The following SOD2 variants were observed in gnomAD, a reference collection of about 807,000 sequenced individuals.
SOD2 encodes the protein superoxide dismutase [Mn], mitochondrial.
Under a neutral mutation model 27.0 loss-of-function variants are expected in SOD2, and 11 were observed. The ratio of observed to expected loss-of-function variants is 0.41; its 90% confidence interval spans 0.26 to 0.67. SOD2 has a LOEUF of 0.67. SOD2 is among the 30% of genes least tolerant of loss of function. The pLI is 0.34. For synonymous variants in SOD2, 105 were observed against 103.0 expected (o/e 1.02, Z -0.12); for missense variants, 250 against 274.5 (o/e 0.91, Z 0.63).
chr6:159,692,294 T>C (rs896164695), intron 2 of SOD2: 6 of 765,980 alleles, frequency 7.8e-6, no homozygotes, highest in Non-Finnish European at 1.1e-5. Context: ...AAGCACATTA[T>C]ACAACAAGAA....
At chr6:159,693,329 C>CCCCG, upstream of SOD2, 2 of 92,828 alleles carry the variant, frequency 2.2e-5, no homozygotes, top group Non-Finnish European at 4.5e-5. Context: ...CGCCGCCCCG[C>CCCCG]CCCCCCCCCC....
intron 1 of SOD2, among the ~76,000 whole-genome samples, chr6:159,709,930 T>C (rs1354099603): frequency 6.6e-6 from 1 of 151,982 alleles, no homozygotes; most frequent in Non-Finnish European, 1.5e-5. Flanking sequence ...TGGAATACTA[T>C]GCAGTCATAA....
chr6:159,735,598 A>C (rs1308197555), intron 1 of SOD2, among the ~76,000 whole-genome samples: 3 of 152,036 alleles, frequency 2.0e-5, no homozygotes, highest in African/African-American at 7.2e-5. Flanking sequence ...AAAATACAAA[A>C]ATGAGCCAGG....
chr6:159,745,769 A>G (rs1342012364), upstream of SOD2, among the ~76,000 whole-genome samples: 1 of 152,216 alleles, frequency 6.6e-6, no homozygotes, highest in Non-Finnish European at 1.5e-5. Flanking sequence ...TGAGAGGAAC[A>G]GGACTTTAAG....
chr6:159,686,763 T>C (rs1780205326), intron 3 of SOD2, among the ~76,000 whole-genome samples: 1 of 152,216 alleles, frequency 6.6e-6, no homozygotes, highest in African/African-American at 2.4e-5. Context: ...GTGCATAAGA[T>C]AGGCTGCCTT....
At chr6:159,759,370 T>C (rs1378014619) in intron 1 of SOD2, among the ~76,000 whole-genome samples, 1 of 145,474 alleles carries the variant, frequency 6.9e-6, no homozygotes, top group East Asian at 2.3e-4. Flanking sequence ...AGACATAATT[T>C]TAAAAATTAT....
chr6:159,675,426 C>T lies in SOD2; in HGVS notation c.*7067G>A, dbSNP rs1430531846. ...TATAGACCAATGGAACAGAACAGAG[C>T]CCTCAGAAATAATACCACACATCTA... On this transcript the variant is annotated 3_prime_UTR_variant, in exon 5 of 5. Coordinates refer to ENST00000538183, the MANE Select transcript of SOD2 (RefSeq NM_000636.4). 1 of 152,008 alleles carries T rather than the reference C, an allele frequency of 6.6e-6. No homozygotes were observed. The highest frequency in any genetic ancestry group is 1.5e-5 in the Non-Finnish European group (1 of 68,010). The allele number at this position is 152,008 out of a possible 1,614,324, so 9.4% of individuals were successfully genotyped here.
In SOD2 at chr6:159,760,868, A is replaced by G. The variant is rs144545430; in HGVS notation, c.-336+169T>C. ...GGACTCAGATATGTTAGGGGACAGGAAACACATTGAAGACAACTGAAGAGA... is the reference window on the plus strand; with the variant it reads ...GGACTCAGATATGTTAGGGGACAGGGAACACATTGAAGACAACTGAAGAGA... On this transcript the variant is annotated intron_variant, in intron 1 of 7. Coordinates refer to the SOD2 transcript ENST00000546087. 7.7e-3 allele frequency: 1,176 copies of G among 152,364 alleles called. 7 individuals are homozygous for G. Among genetic ancestry groups the G allele is most frequent in the Non-Finnish European group, 0.011 (766 of 68,058 alleles). 9.4% of individuals were successfully genotyped at this position (152,364 alleles called of 1,614,324 possible).
exon 1 of SOD2, chr6:159,761,487 C>T (rs1483069455): frequency 6.6e-6 from 3 of 455,488 alleles, no homozygotes; most frequent in African/African-American, 6.0e-5. Context: ...CCTAGCAAGC[C>T]CCTCACGCGA....
At position 159,670,404 on chromosome 6, in the gene SOD2, T is replaced by G. The variant is rs1021106240; in HGVS notation, c.*12089A>C. ...CTAAAAGATTCATTTGTTTTTTTCC[T>G]CCAGGCATCCACTCTGAGCCCCAGT... On this transcript the variant is annotated 3_prime_UTR_variant, in exon 5 of 5. Coordinates refer to ENST00000538183, the MANE Select transcript of SOD2 (RefSeq NM_000636.4). The G allele has an allele frequency of 6.6e-6, 1 of 152,188 alleles. No homozygotes were observed. Among genetic ancestry groups the G allele is most frequent in the African/African-American group, 2.4e-5 (1 of 41,436 alleles). 9.4% of individuals were successfully genotyped at this position (152,188 alleles called of 1,614,324 possible).
At chr6:159,734,406 A>G (rs1778781096) in intron 1 of SOD2, among the ~76,000 whole-genome samples, 1 of 151,920 alleles carries the variant, frequency 6.6e-6, no homozygotes, top group South Asian at 2.1e-4. Context: ...AGTTTAACAT[A>G]CCAAGCTTTT....
At position 159,726,908 on chromosome 6, in the gene SOD2, T is replaced by C. The variant is rs144507732; in HGVS notation, c.-116+221A>G. 2.3e-4 allele frequency: 295 copies of C among 1,288,996 alleles called. 1 individual carries two copies. The African/African-American group carries it at 3.9e-3, about 17-fold the overall frequency. The allele number at this position is 1,288,996 out of a possible 1,614,324, so 79.8% of individuals were successfully genotyped here. ...GGCTCGCCGCCCACGGCCTCTCTCT[T>C]GAGGTGGCACCTGGTCCTCCGACAC... On this transcript the variant is annotated intron_variant, in intron 1 of 2. Coordinates refer to the SOD2 transcript ENST00000401980.
intron 1 of SOD2, chr6:159,742,298 A>G: frequency 1.6e-6 from 1 of 613,290 alleles, no homozygotes; most frequent in South Asian, 2.2e-5. Context: ...GCAAGAAAAT[A>G]TAAAGATGAA....
intron 1 of SOD2, among the ~76,000 whole-genome samples, chr6:159,721,693 T>G (rs1356787626): frequency 6.9e-6 from 1 of 144,148 alleles, no homozygotes; most frequent in African/African-American, 2.6e-5. Flanking sequence ...TTTTTTTTTT[T>G]TTTTTTGTAT....
intron 3 of SOD2, 41 bp from the exon 4 acceptor site, chr6:159,685,074 A>G: frequency 6.9e-7 from 1 of 1,455,510 alleles, no homozygotes; most frequent in Non-Finnish European, 9.3e-7. Context: ...AAATGAACAG[A>G]TTTCAATAAT....
chr6:159,684,939 A>G lies in SOD2; in HGVS notation c.438T>C (p.Gly146=). 3 of 1,613,682 alleles carry G rather than the reference A, an allele frequency of 1.9e-6. No individual in the cohort carries two copies. Among genetic ancestry groups the G allele is most frequent in the Non-Finnish European group, 2.5e-6 (3 of 1,179,838 alleles). Residue 146 remains glycine, a synonymous_variant, in exon 4 of 5, where the codon GGT becomes GGC. Coordinates refer to ENST00000538183, the MANE Select transcript of SOD2 (RefSeq NM_000636.4). ...TAASVGVQGS[G]WGWLGFNKER... ...CCTTATTGAAACCAAGCCAACCCCA[A>G]CCTGAGCCTTGGACACCAACAGATG...
At chr6:159,739,687 A>C (rs1779125983) in intron 1 of SOD2, among the ~76,000 whole-genome samples, 1 of 152,220 alleles carries the variant, frequency 6.6e-6, no homozygotes, top group Non-Finnish European at 1.5e-5. Flanking sequence ...TAAAATAAGT[A>C]TTTTAACAGG....
chr6:159,747,268 G>A (rs536965002), upstream of SOD2, among the ~76,000 whole-genome samples: 3 of 152,220 alleles, frequency 2.0e-5, no homozygotes, highest in Admixed American at 6.5e-5. Context: ...AACTGAAGTC[G>A]AAATTGAAGG....
intron 1 of SOD2, among the ~76,000 whole-genome samples, chr6:159,723,393 T>C (rs1778077549): frequency 6.6e-6 from 1 of 152,272 alleles, no homozygotes; most frequent in South Asian, 2.1e-4. Context: ...TAGTGTTGTT[T>C]GTTCTCCTAA....
Sources: gnomAD v4.1 joint callset for allele counts (sites outside exome capture counted in the v4.1 genomes callset) on GRCh38, gnomAD v4.1.1 for gene constraint, MANE v1.5 for transcripts, NCBI Gene and HGNC (gene_info 2026-07-23, HGNC 2026-07-21) for gene names.